The following LUC7L variants were observed in gnomAD, a reference collection of about 807,000 sequenced individuals.
LUC7L encodes LUC7 like.
In LUC7L, 29 loss-of-function variants were observed where a neutral mutation model predicts 51.1. That is an observed-to-expected ratio of 0.57 (90% CI 0.42 to 0.77). LUC7L has a LOEUF of 0.77. Among genes scored for constraint, LUC7L ranks in the 30% least tolerant of loss-of-function variants. LUC7L has a pLI of 0.00. For missense variants in LUC7L, 403 were observed against 511.9 expected, an observed-to-expected ratio of 0.79 and a Z score of 2.05; for synonymous variants, 181 against 180.7, an observed-to-expected ratio of 1.00 and a Z score of -0.01.
At chr16:221,922 A>G (rs1158238772) in intron 2 of LUC7L, among the ~76,000 whole-genome samples, 2 of 152,162 alleles carry the variant, frequency 1.3e-5, no homozygotes, top group African/African-American at 4.8e-5. Context: ...AATAAAGGAG[A>G]ACAGGCTGGT....
At chr16:228,440 T>A (rs1218232151) in intron 1 of LUC7L, 4 of 1,257,866 alleles carry the variant, frequency 3.2e-6, no homozygotes, top group Non-Finnish European at 4.1e-6. Context: ...ATTGTTCAGT[T>A]TGTATGAAAT....
At chr16:229,169 T>C (rs748703812) in intron 1 of LUC7L, 110 bp downstream of exon 1, 15 of 1,458,632 alleles carry the variant, frequency 1.0e-5, no homozygotes, top group South Asian at 1.4e-5. Flanking sequence ...GGAGGAGCGA[T>C]GCCCCGCGCA....
intron 1 of LUC7L, chr16:227,620 T>C (rs1212629128): frequency 7.3e-6 from 9 of 1,230,712 alleles, no homozygotes; most frequent in East Asian, 4.0e-5. Context: ...CAAAAGGCCA[T>C]TGGCTCCACA....
intron 4 of LUC7L, among the ~76,000 whole-genome samples, chr16:207,097 G>T (rs1313791700): frequency 2.0e-5 from 3 of 151,742 alleles, no homozygotes; most frequent in African/African-American, 7.3e-5. Flanking sequence ...TACTCAGGAG[G>T]CTGAGGCAGG....
In LUC7L at chr16:189,017, T is replaced by C; in HGVS notation, c.*181A>G. 1 of 636,850 alleles carries C rather than the reference T, an allele frequency of 1.6e-6. No homozygotes were observed. Among genetic ancestry groups the C allele is most frequent in the Non-Finnish European group, 2.6e-6 (1 of 378,166 alleles). 39.4% of individuals were successfully genotyped at this position (636,850 alleles called of 1,614,324 possible). On this transcript the variant is annotated 3_prime_UTR_variant, in exon 10 of 10. Coordinates refer to ENST00000293872, the MANE Select transcript of LUC7L (RefSeq NM_201412.3). ...AGGAGGCAGCATCAGATTTATTTAT[T>C]CCTACTCAACATGACCCGGGAACAC...
chr16:193,212 G>A (rs534488312), intron 6 of LUC7L, among the ~76,000 whole-genome samples, 197 bp from the exon 7 acceptor site: 199 of 151,784 alleles, frequency 1.3e-3, no homozygotes, highest in African/African-American at 4.6e-3. Context: ...GCAGTGGCGT[G>A]ATCTCGGCTC....
chr16:193,923 C>A (rs2049082219), intron 6 of LUC7L, among the ~76,000 whole-genome samples: 1 of 151,564 alleles, frequency 6.6e-6, no homozygotes, highest in African/African-American at 2.4e-5. Flanking sequence ...CCTGTCCTGG[C>A]CTCCGGAGTA....
rs531485164 is a variant in LUC7L, at chr16:227,771, C to G, written c.62-435G>C. On this transcript the variant is annotated intron_variant, in intron 1 of 9. Transcript: ENST00000293872. ...TTTTTGTTATGAACAAATGCAGAGGCAGTATTTTGCCCAAAATTGAATGAA... is the reference window on the plus strand; with the variant it reads ...TTTTTGTTATGAACAAATGCAGAGGGAGTATTTTGCCCAAAATTGAATGAA... The G allele has an allele frequency of 3.4e-4, 338 of 1,000,894 alleles. No individual in the cohort carries two copies. In the Middle Eastern group the frequency reaches 5.6e-3, roughly 17 times the overall value. The allele number at this position is 1,000,894 out of a possible 1,614,324, so 62.0% of individuals were successfully genotyped here.
chr16:193,151 T>A (rs548536946), intron 6 of LUC7L, 136 bp from the exon 7 acceptor site: 3 of 746,338 alleles, frequency 4.0e-6, no homozygotes, highest in South Asian at 3.0e-5. Flanking sequence ...GAAATGGGAA[T>A]ACTTTTTTTT....
chr16:218,331 G>A (rs2049867425), intron 3 of LUC7L, among the ~76,000 whole-genome samples: 1 of 152,132 alleles, frequency 6.6e-6, no homozygotes, highest in African/African-American at 2.4e-5. Context: ...CTTCACTCAA[G>A]AACCAGAATG....
At chr16:220,960 T>C (rs1446975067) in intron 2 of LUC7L, among the ~76,000 whole-genome samples, 1 of 152,226 alleles carries the variant, frequency 6.6e-6, no homozygotes, top group African/African-American at 2.4e-5. Flanking sequence ...ATGCATTTAA[T>C]AGTGTAAAGT....
chr16:207,967 C>G (rs2049530510), intron 4 of LUC7L, 111 bp downstream of exon 4: 2 of 668,514 alleles, frequency 3.0e-6, no homozygotes, highest in East Asian at 3.0e-5. Flanking sequence ...TGAGATCATG[C>G]CACTGCACTC....
chr16:222,951 TAAA>T (rs376499817), intron 2 of LUC7L, among the ~76,000 whole-genome samples: 10 of 119,876 alleles, frequency 8.3e-5, no homozygotes, highest in Admixed American at 1.7e-4. Flanking sequence ...CCCCGTCTTT[TAAA>T]AAAAAAAAAA....
intron 3 of LUC7L, among the ~76,000 whole-genome samples, chr16:219,833 CT>C (rs1054662809): frequency 6.6e-6 from 1 of 151,682 alleles, no homozygotes; most frequent in Non-Finnish European, 1.5e-5. Context: ...CGCACTACTG[CT>C]CTCCAGCCTG....
At chr16:224,080 C>T (rs904081996) in intron 2 of LUC7L, among the ~76,000 whole-genome samples, 2 of 152,140 alleles carry the variant, frequency 1.3e-5, no homozygotes, top group Non-Finnish European at 2.9e-5. Flanking sequence ...AGAAAAAATG[C>T]TTTAAACTAA....
At chr16:218,444 GCA>G (rs1457127078) in intron 3 of LUC7L, among the ~76,000 whole-genome samples, 1 of 152,130 alleles carries the variant, frequency 6.6e-6, no homozygotes, top group East Asian at 1.9e-4. Context: ...TTCTTACCAG[GCA>G]CAGTGTAATC....
chr16:190,458 G>C (rs968412010), intron 8 of LUC7L, 83 bp downstream of exon 8: 1 of 1,415,800 alleles, frequency 7.1e-7, no homozygotes, highest in African/African-American at 1.4e-5. Flanking sequence ...GGTAACATTT[G>C]TAAAGGCATA....
intron 6 of LUC7L, among the ~76,000 whole-genome samples, chr16:195,871 TCTCC>T (rs2049135303): frequency 6.6e-6 from 1 of 152,100 alleles, no homozygotes. Context: ...GAACTCCCAC[TCTCC>T]CTATCATTAA....
chr16:204,278 T>C (rs2142067569), intron 5 of LUC7L, among the ~76,000 whole-genome samples: 1 of 140,652 alleles, frequency 7.1e-6, no homozygotes, highest in African/African-American at 2.7e-5. Flanking sequence ...ACCCCATCCC[T>C]ACTAGAAATG....
Sources: gnomAD v4.1 joint callset for allele counts (sites outside exome capture counted in the v4.1 genomes callset) on GRCh38, gnomAD v4.1.1 for gene constraint, MANE v1.5 for transcripts, NCBI Gene and HGNC (gene_info 2026-07-23, HGNC 2026-07-21) for gene names.